The following BMPER variants were observed in gnomAD, a reference collection of about 807,000 sequenced individuals.
BMPER encodes the protein BMP binding endothelial regulator.
BMPER carries 45 observed loss-of-function variants against 87.3 expected under a neutral mutation model. That is an observed-to-expected ratio of 0.52 (90% confidence interval 0.41 to 0.66). The LOEUF is 0.66. Among genes scored for constraint, BMPER ranks in the 30% least tolerant of loss-of-function variants. BMPER has a pLI of 0.00. For synonymous variants in BMPER, 326 were observed against 316.2 expected (o/e 1.03, Z -0.33); for missense variants, 784 against 867.5 (o/e 0.90, Z 1.21).
chr7:34,064,221 G>T (rs943739452), intron 11 of BMPER, among the ~76,000 whole-genome samples: 2 of 151,504 alleles, frequency 1.3e-5, no homozygotes, highest in African/African-American at 4.9e-5. Flanking sequence ...AACTTGGGAG[G>T]CAGAGGTTGC....
At chr7:34,115,657 T>C (rs1305830708) in intron 13 of BMPER, among the ~76,000 whole-genome samples, 2 of 152,230 alleles carry the variant, frequency 1.3e-5, no homozygotes, top group African/African-American at 4.8e-5. Flanking sequence ...TATTGTAGCA[T>C]GTATCAGTAA....
chr7:34,063,812 A>G (rs543207526), intron 11 of BMPER, among the ~76,000 whole-genome samples: 5 of 152,328 alleles, frequency 3.3e-5, no homozygotes, highest in African/African-American at 1.2e-4. Context: ...TTTCCTCTGT[A>G]TCCATGTCAA....
At chr7:33,913,032 G>T (rs1334887964) in intron 2 of BMPER, among the ~76,000 whole-genome samples, 2 of 152,160 alleles carry the variant, frequency 1.3e-5, no homozygotes, top group African/African-American at 4.8e-5. Flanking sequence ...ACAGCCTAAT[G>T]GGGGAGACGA....
intron 4 of BMPER, 109 bp downstream of exon 4, chr7:33,966,670 A>C: frequency 9.3e-7 from 1 of 1,079,632 alleles, no homozygotes; most frequent in Non-Finnish European, 1.4e-6. Flanking sequence ...AACAGAAATG[A>C]AAAAAACAAT....
intron 13 of BMPER, among the ~76,000 whole-genome samples, chr7:34,091,097 A>G (rs554220492): frequency 2.6e-5 from 4 of 152,104 alleles, no homozygotes; most frequent in Non-Finnish European, 5.9e-5. Context: ...TTCGTGTTGG[A>G]TATACTGGGA....
intron 10 of BMPER, among the ~76,000 whole-genome samples, chr7:34,060,547 GC>G (rs1429909531): frequency 6.6e-6 from 1 of 152,206 alleles, no homozygotes; most frequent in Non-Finnish European, 1.5e-5. Context: ...AGTTGTCAAA[GC>G]CTTTAATGTA....
intron 9 of BMPER, 64 bp downstream of exon 9, chr7:34,055,367 G>A: frequency 1.2e-6 from 2 of 1,600,262 alleles, no homozygotes; most frequent in Non-Finnish European, 1.7e-6. Flanking sequence ...AAAAGCTCCA[G>A]ACACTAGGCA....
chr7:34,028,601 G>GTTTTTTTTTTTTTTTTTTT, intron 6 of BMPER, among the ~76,000 whole-genome samples: 12 of 36,058 alleles, frequency 3.3e-4, no homozygotes, highest in African/African-American at 4.4e-4. Flanking sequence ...CATTTTTTCT[G>GTTTTTTTTTTTTTTTTTTT]TTTTTTTTTT....
At chr7:33,963,978 T>G (rs1479408740) in intron 3 of BMPER, among the ~76,000 whole-genome samples, 2 of 152,208 alleles carry the variant, frequency 1.3e-5, no homozygotes, top group African/African-American at 2.4e-5. Flanking sequence ...TATTGTCTGT[T>G]TACCCTATTA....
intron 14 of BMPER, 121 bp downstream of exon 14, chr7:34,143,481 C>A: frequency 2.8e-6 from 4 of 1,432,800 alleles, no homozygotes; most frequent in South Asian, 2.4e-5. Context: ...AGGAAAATCC[C>A]TTCCAGTAGC....
chr7:34,032,964 T>G (rs1382460941), intron 6 of BMPER, among the ~76,000 whole-genome samples: 3 of 152,074 alleles, frequency 2.0e-5, no homozygotes, highest in African/African-American at 7.2e-5. Context: ...CCAAACCAGG[T>G]CAAAGGCTCA....
At chr7:34,090,806 A>G (rs1384367310) in intron 13 of BMPER, among the ~76,000 whole-genome samples, 2 of 152,228 alleles carry the variant, frequency 1.3e-5, no homozygotes, top group Non-Finnish European at 2.9e-5. Context: ...AAGCCCAGAC[A>G]TTTAGAGACC....
rs963496424 is a variant in BMPER, at chr7:34,122,341, A to G, written c.1746-20889A>G. ...ACTTTTAGTAGCTCGGTTTTAGACC[A>G]GAGCTTCTCAAACTTCCAAGCACAT... On this transcript the variant is annotated intron_variant, in intron 13 of 14. Coordinates refer to ENST00000649409, the MANE Select transcript of BMPER (RefSeq NM_001365308.1). Among the ~76,000 whole-genome samples, 35 of 152,344 alleles carry G rather than the reference A, an allele frequency of 2.3e-4. No individual in the cohort carries two copies. The East Asian group carries it at 6.6e-3, about 29-fold the overall frequency.
chr7:33,984,464 CA>C (rs926697551), intron 6 of BMPER, among the ~76,000 whole-genome samples: 18 of 143,840 alleles, frequency 1.3e-4, no homozygotes, highest in South Asian at 2.2e-4. Context: ...GAGTCCGTCT[CA>C]AAAAAAAAAA....
chr7:34,146,552 TC>T (rs1185449935), intron 14 of BMPER, among the ~76,000 whole-genome samples: 2 of 152,174 alleles, frequency 1.3e-5, no homozygotes, highest in African/African-American at 2.4e-5. Flanking sequence ...GCACTTCCTT[TC>T]CCCCAAGGAC....
chr7:34,138,134 G>A (rs1219905237), intron 13 of BMPER, among the ~76,000 whole-genome samples: 1 of 152,136 alleles, frequency 6.6e-6, no homozygotes, highest in Non-Finnish European at 1.5e-5. Context: ...TTTATTTAAT[G>A]GTAATTAACT....
intron 13 of BMPER, among the ~76,000 whole-genome samples, chr7:34,090,813 G>C (rs894142636): frequency 6.6e-6 from 1 of 152,202 alleles, no homozygotes; most frequent in Non-Finnish European, 1.5e-5. Context: ...GACATTTAGA[G>C]ACCACAATCA....
At chr7:33,905,428 C>CCCCCG, upstream of BMPER, 1 of 179,850 alleles carries the variant, frequency 5.6e-6, no homozygotes. Context: ...CGCCCCCACA[C>CCCCCG]CTTGGTCTCT....
intron 6 of BMPER, among the ~76,000 whole-genome samples, chr7:33,986,916 T>G (rs1438426032): frequency 6.6e-6 from 1 of 152,086 alleles, no homozygotes; most frequent in African/African-American, 2.4e-5. Context: ...CTTTCCCTGC[T>G]CCTTTGTTTG....
Sources: gnomAD v4.1 joint callset for allele counts (sites outside exome capture counted in the v4.1 genomes callset) on GRCh38, gnomAD v4.1.1 for gene constraint, MANE v1.5 for transcripts, NCBI Gene and HGNC (gene_info 2026-07-23, HGNC 2026-07-21) for gene names.